NRCAM: variants seen among roughly 807,000 people sequenced by gnomAD.
NRCAM encodes NgCAM-related cell adhesion molecule.
In NRCAM, 83 loss-of-function variants were observed where a neutral mutation model predicts 156.5. That is an observed-to-expected ratio of 0.53 (90% CI 0.44 to 0.64). The LOEUF (loss-of-function observed/expected upper bound fraction) is 0.64, where lower values mean the gene tolerates loss of function less well. Among genes scored for constraint, NRCAM ranks in the 30% least tolerant of loss-of-function variants. The pLI is 0.00. For missense variants in NRCAM, 1,417 were observed against 1,597.3 expected, an observed-to-expected ratio of 0.89 and a Z score of 1.92; for synonymous variants, 538 against 563.9, an observed-to-expected ratio of 0.95 and a Z score of 0.65.
At chr7:108,239,895 G>T in intron 4 of NRCAM, 64 bp downstream of exon 4, 1 of 990,248 alleles carries the variant, frequency 1.0e-6, no homozygotes, top group Non-Finnish European at 1.6e-6. Context: ...GCAGTTCAGA[G>T]TGATGATAAA....
chr7:108,289,894 C>T (rs1429949551), intron 3 of NRCAM, among the ~76,000 whole-genome samples: 1 of 152,102 alleles, frequency 6.6e-6, no homozygotes. Flanking sequence ...GTGAATCCTT[C>T]AGGTGATTCT....
chr7:108,180,853 A>G (rs2063055843), intron 24 of NRCAM, among the ~76,000 whole-genome samples: 1 of 152,250 alleles, frequency 6.6e-6, no homozygotes, highest in East Asian at 1.9e-4. Context: ...TAGTGATTGT[A>G]AACACCACAG....
At chr7:108,352,264 A>G (rs1027673052) in intron 2 of NRCAM, among the ~76,000 whole-genome samples, 8 of 152,226 alleles carry the variant, frequency 5.3e-5, no homozygotes, top group African/African-American at 1.9e-4. Context: ...CCACCAGTCC[A>G]TTAAAATAAT....
At chr7:108,237,087 T>C (rs1046413803) in intron 5 of NRCAM, among the ~76,000 whole-genome samples, 27 of 152,184 alleles carry the variant, frequency 1.8e-4, no homozygotes, top group African/African-American at 5.5e-4. Context: ...ATTTTCCTGG[T>C]TAATCTAACA....
intron 2 of NRCAM, among the ~76,000 whole-genome samples, chr7:108,371,255 C>T (rs944075887): frequency 3.9e-5 from 6 of 152,076 alleles, no homozygotes; most frequent in African/African-American, 1.4e-4. Flanking sequence ...AGTAAGAGGG[C>T]AATGAAGAAA....
chr7:108,385,526 C>T (rs1434087079), intron 2 of NRCAM, among the ~76,000 whole-genome samples: 1 of 152,200 alleles, frequency 6.6e-6, no homozygotes, highest in African/African-American at 2.4e-5. Context: ...TGAGCAAAAT[C>T]ACAGTGGGAT....
At chr7:108,214,137 T>G (rs2086397473) in intron 11 of NRCAM, among the ~76,000 whole-genome samples, 1 of 152,202 alleles carries the variant, frequency 6.6e-6, no homozygotes, top group Non-Finnish European at 1.5e-5. Context: ...GATACCCTCT[T>G]TTTCTGTTGC....
chr7:108,160,508 A>G lies in NRCAM; in HGVS notation c.3467-16T>C, dbSNP rs12670313. On this transcript the variant is annotated splice_polypyrimidine_tract_variant and intron_variant, in intron 30 of 32. Coordinates refer to ENST00000379028, the MANE Select transcript of NRCAM (RefSeq NM_001037132.4). ...CTTGCCATCGCTGGAAAACAAATCAATGGTGTTGGTGGCAATAGGTTAAGG... is the reference window on the plus strand; with the variant it reads ...CTTGCCATCGCTGGAAAACAAATCAGTGGTGTTGGTGGCAATAGGTTAAGG... 0.71 allele frequency: 1,145,753 copies of G among 1,610,902 alleles called. 417,779 individuals are homozygous for G. The highest frequency in any genetic ancestry group is 0.81 in the East Asian group (36,096 of 44,808).
rs868782292 is a variant in NRCAM at position 108,148,019 on chromosome 7, T to C, written c.*1891A>G. ...GACAGGTGGATCTGTGAAAAATGAA[T>C]ATAGAGACATGAAAGTATTTAGGGC... On this transcript the variant is annotated 3_prime_UTR_variant, in exon 33 of 33. Transcript: ENST00000379028. 6.5e-6 allele frequency: 1 copy of C among 152,760 alleles called. No homozygotes were observed. The allele number at this position is 152,760 out of a possible 1,614,324, so 9.5% of individuals were successfully genotyped here. A position where few individuals can be genotyped will look rare whatever the true frequency, so the allele number is the denominator to read the frequency against.
chr7:108,306,119 G>C (rs1469730029), intron 3 of NRCAM, among the ~76,000 whole-genome samples: 1 of 152,134 alleles, frequency 6.6e-6, no homozygotes, highest in Non-Finnish European at 1.5e-5. Context: ...GAACCTCAAA[G>C]CAGACCTTTG....
intron 2 of NRCAM, among the ~76,000 whole-genome samples, chr7:108,369,661 G>A (rs1279084301): frequency 1.3e-5 from 2 of 152,062 alleles, no homozygotes; most frequent in Non-Finnish European, 2.9e-5. Flanking sequence ...ACACTAAGAA[G>A]TTCTGAGAGC....
At chr7:108,399,674 C>T (rs2099786226) in intron 1 of NRCAM, 81 bp from the exon 2 acceptor site, 1 of 152,156 alleles carries the variant, frequency 6.6e-6, no homozygotes, top group African/African-American at 2.4e-5. Context: ...ATCCTACTAT[C>T]GTACGAAAAA....
chr7:108,225,733 TA>T (rs2093336338), intron 9 of NRCAM, 32 bp from the exon 10 acceptor site: 3 of 1,400,408 alleles, frequency 2.1e-6, no homozygotes, highest in Non-Finnish European at 2.0e-6. Flanking sequence ...GAAGAGGGCA[TA>T]AAAGTGGGGG....
intron 1 of NRCAM, among the ~76,000 whole-genome samples, chr7:108,428,838 G>A (rs1241435124): frequency 6.6e-6 from 1 of 152,080 alleles, no homozygotes; most frequent in African/African-American, 2.4e-5. Flanking sequence ...GCAGAAGAGT[G>A]GAGACATTAA....
chr7:108,217,501 TGCTGAAGCTGCGCCCACA>T (rs2089923386), intron 11 of NRCAM, among the ~76,000 whole-genome samples: 2 of 152,336 alleles, frequency 1.3e-5, no homozygotes, highest in South Asian at 2.1e-4. Flanking sequence ...TGTTTAAATC[TGCTGAAGCTGCGCCCACA>T]GCTGCCCCTT....
chr7:108,219,294 C>T (rs1174931791), intron 11 of NRCAM, among the ~76,000 whole-genome samples: 2 of 152,100 alleles, frequency 1.3e-5, no homozygotes, highest in African/African-American at 4.8e-5. Context: ...AGAATTGGTA[C>T]CAATCCTTTT....
intron 1 of NRCAM, among the ~76,000 whole-genome samples, chr7:108,441,976 T>C (rs1449399960): frequency 1.3e-5 from 2 of 152,252 alleles, no homozygotes; most frequent in Admixed American, 6.5e-5. Flanking sequence ...GTGTTCCATA[T>C]AGGTAAGCAA....
intron 13 of NRCAM, among the ~76,000 whole-genome samples, chr7:108,203,891 C>A (rs1463206956): frequency 6.6e-6 from 1 of 152,188 alleles, no homozygotes; most frequent in African/African-American, 2.4e-5. Flanking sequence ...TCACTTCTGG[C>A]GCCTATGCTA....
At chr7:108,289,235 G>A (rs2098208630) in intron 3 of NRCAM, among the ~76,000 whole-genome samples, 1 of 152,028 alleles carries the variant, frequency 6.6e-6, no homozygotes, top group Non-Finnish European at 1.5e-5. Context: ...AGTCATTTAG[G>A]TACTTGAAGC....
Sources: gnomAD v4.1 joint callset for allele counts (sites outside exome capture counted in the v4.1 genomes callset) on GRCh38, gnomAD v4.1.1 for gene constraint, MANE v1.5 for transcripts, NCBI Gene and HGNC (gene_info 2026-07-23, HGNC 2026-07-21) for gene names.